The following STX18 variants were observed in gnomAD, a reference collection of about 807,000 sequenced individuals.
STX18 encodes the protein syntaxin 18, also known as syntaxin-18.
In STX18, 40 loss-of-function variants were observed where a neutral mutation model predicts 50.1. The observed-to-expected ratio is 0.80, with a 90% CI of 0.62 to 1.04. STX18 has a LOEUF of 1.04. STX18 is among the 50% of genes least tolerant of loss of function. The probability of loss-of-function intolerance (pLI) is 0.00; values close to 1 mark genes in which losing one functional copy is unlikely to be tolerated. For synonymous variants in STX18, 158 were observed against 151.8 expected (o/e 1.04, Z -0.30); for missense variants, 410 against 415.8 (o/e 0.99, Z 0.12).
chr4:4,467,899 A>C (rs904748887), intron 2 of STX18, among the ~76,000 whole-genome samples: 1 of 152,192 alleles, frequency 6.6e-6, no homozygotes, highest in African/African-American at 2.4e-5. Flanking sequence ...AGAGGAGCCA[A>C]AAAAATACTG....
In STX18 at chr4:4,457,490, C is replaced by T. The variant is rs746392099; in HGVS notation, c.363G>A (p.Glu121=). 1 of 1,613,968 alleles carries T rather than the reference C, an allele frequency of 6.2e-7. No individual in the cohort carries two copies. Among genetic ancestry groups the T allele is most frequent in the Admixed American group, 1.7e-5 (1 of 60,008 alleles). Residue 121 remains glutamate, a synonymous_variant, in exon 4 of 11, where the codon GAG becomes GAA. Transcript: ENST00000306200. The part of the protein sequence containing the change: ...IQQLRTEAHK[E]IHSQQVKEHR... ...GCTCCTTCACTTGCTGGGAATGTATCTCCTTGTGAGCTGTAACAGAAAAAG... is the reference window on the plus strand; with the variant it reads ...GCTCCTTCACTTGCTGGGAATGTATTTCCTTGTGAGCTGTAACAGAAAAAG...
At chr4:4,508,021 C>T (rs1370513064) in intron 1 of STX18, among the ~76,000 whole-genome samples, 1 of 151,928 alleles carries the variant, frequency 6.6e-6, no homozygotes, top group South Asian at 2.1e-4. Context: ...ATTCTGAGTC[C>T]AATTATAGGA....
chr4:4,538,308 G>C (rs372172668), intron 1 of STX18, among the ~76,000 whole-genome samples: 16 of 152,216 alleles, frequency 1.1e-4, no homozygotes, highest in East Asian at 5.8e-4. Context: ...AGGAAGAAAA[G>C]AAAGTAAAAG....
chr4:4,475,053 G>A (rs1728108393), intron 1 of STX18, among the ~76,000 whole-genome samples: 1 of 152,170 alleles, frequency 6.6e-6, no homozygotes, highest in African/African-American at 2.4e-5. Context: ...GTACAGGTTA[G>A]ATCCAGCTGC....
At chr4:4,536,609 A>C (rs1447793044) in intron 1 of STX18, among the ~76,000 whole-genome samples, 1 of 152,216 alleles carries the variant, frequency 6.6e-6, no homozygotes, top group East Asian at 1.9e-4. Context: ...ATGTGAGAAA[A>C]TGAAAGAGGC....
intron 1 of STX18, among the ~76,000 whole-genome samples, chr4:4,519,838 TA>T (rs1251560593): frequency 6.6e-6 from 1 of 152,126 alleles, no homozygotes; most frequent in East Asian, 1.9e-4. Flanking sequence ...TACAGAAAAA[TA>T]AAGCCTGCCT....
At chr4:4,470,027 T>A (rs1204841004) in intron 2 of STX18, among the ~76,000 whole-genome samples, 1 of 152,210 alleles carries the variant, frequency 6.6e-6, no homozygotes, top group East Asian at 1.9e-4. Flanking sequence ...TATGACCTAA[T>A]GTACTATACA....
At chr4:4,459,073 C>G (rs1408591510) in intron 3 of STX18, among the ~76,000 whole-genome samples, 1 of 151,618 alleles carries the variant, frequency 6.6e-6, no homozygotes, top group East Asian at 1.9e-4. Flanking sequence ...CACACACACA[C>G]ACACACACAC....
At chr4:4,437,930 T>C (rs911994759) in intron 6 of STX18, among the ~76,000 whole-genome samples, 1 of 152,262 alleles carries the variant, frequency 6.6e-6, no homozygotes, top group East Asian at 1.9e-4. Flanking sequence ...GGCCCTCTAG[T>C]ATCTGTGGTG....
chr4:4,499,949 G>A (rs1304429646), intron 1 of STX18, among the ~76,000 whole-genome samples: 2 of 151,472 alleles, frequency 1.3e-5, no homozygotes, highest in South Asian at 4.2e-4. Flanking sequence ...ATGGGTCACT[G>A]TCCCTGACCA....
chr4:4,504,255 TC>T (rs1729591287), intron 1 of STX18, among the ~76,000 whole-genome samples: 5 of 152,194 alleles, frequency 3.3e-5, no homozygotes, highest in Admixed American at 1.3e-4. Flanking sequence ...TATTTTTTTT[TC>T]TAAAGAGATA....
chr4:4,421,506 C>T (rs1306270266), intron 9 of STX18, among the ~76,000 whole-genome samples: 7 of 152,182 alleles, frequency 4.6e-5, no homozygotes, highest in Non-Finnish European at 7.3e-5. Context: ...GCTCCCGCCT[C>T]GGCCTCCCAG....
intron 2 of STX18, among the ~76,000 whole-genome samples, chr4:4,470,149 C>T (rs182171120): frequency 1.3e-5 from 2 of 152,262 alleles, no homozygotes; most frequent in East Asian, 1.9e-4. Flanking sequence ...AAACCTGTGA[C>T]GAACCAGGAA....
intron 5 of STX18, among the ~76,000 whole-genome samples, chr4:4,449,961 C>T (rs1400263435): frequency 6.6e-6 from 1 of 152,134 alleles, no homozygotes; most frequent in Non-Finnish European, 1.5e-5. Context: ...CTTCCTTGTT[C>T]CAGGTTTATA....
chr4:4,494,468 T>C (rs1577373148), intron 1 of STX18, among the ~76,000 whole-genome samples: 3 of 152,198 alleles, frequency 2.0e-5, no homozygotes, highest in South Asian at 4.1e-4. Context: ...TTAGCATTCA[T>C]TTCTGATGAC....
intron 7 of STX18, among the ~76,000 whole-genome samples, chr4:4,430,707 G>T (rs1272486739): frequency 6.6e-6 from 1 of 152,178 alleles, no homozygotes; most frequent in Non-Finnish European, 1.5e-5. Flanking sequence ...AACACGTGCA[G>T]GGCATGCCAC....
Position 4,420,724 on chromosome 4 carries a change from CG to C in STX18, c.912+139del. ...TGGGTCTCATGAACACACGCAGCTC[CG>C]CGGTCACACAATTTTGTGATCAGCC... On this transcript the variant is annotated intron_variant, in intron 10 of 10. Coordinates refer to ENST00000306200, the MANE Select transcript of STX18 (RefSeq NM_016930.4). This position sits in a 1 kb window ranked among gnomAD's most constrained non-coding sequence, Gnocchi z 4.3. The C allele has an allele frequency of 1.3e-6, 1 of 745,990 alleles. No individual in the cohort carries two copies. Among genetic ancestry groups the C allele is most frequent in the African/African-American group, 1.7e-5 (1 of 57,262 alleles). The allele number at this position is 745,990 out of a possible 1,614,324, so 46.2% of individuals were successfully genotyped here.
chr4:4,434,234 A>C (rs1428032234), intron 7 of STX18, among the ~76,000 whole-genome samples: 2 of 152,212 alleles, frequency 1.3e-5, no homozygotes, highest in Non-Finnish European at 2.9e-5. Flanking sequence ...GATGAGCTGC[A>C]CACAGACATT....
chr4:4,420,695 G>T lies in STX18; in HGVS notation c.912+169C>A. 1 of 625,914 alleles carries T rather than the reference G, an allele frequency of 1.6e-6. No homozygotes were observed. The highest frequency in any genetic ancestry group is 2.8e-6 in the Non-Finnish European group (1 of 355,546). 38.8% of individuals were successfully genotyped at this position (625,914 alleles called of 1,614,324 possible). ...GAAAGCAGCTGGAGGTGGGCGACAG[G>T]TGGTGGGTCTCATGAACACACGCAG... On this transcript the variant is annotated intron_variant, in intron 10 of 10. Transcript: ENST00000306200. The surrounding 1 kb of genome is among the most constrained non-coding windows in gnomAD (Gnocchi z 4.3).
Sources: allele counts gnomAD v4.1 joint callset (sites outside exome capture counted in the v4.1 genomes callset), GRCh38; gene constraint gnomAD v4.1.1; non-coding constraint Gnocchi (gnomAD v3.1); transcripts MANE v1.5; gene names NCBI Gene and HGNC (gene_info 2026-07-23, HGNC 2026-07-21).